The following CDH13 variants were observed in gnomAD, a reference collection of about 807,000 sequenced individuals.
The protein encoded by CDH13 is cadherin 13, also known as cadherin-13.
Under a neutral mutation model 63.8 loss-of-function variants are expected in CDH13, and 24 were observed. The ratio of observed to expected loss-of-function variants is 0.38; its 90% CI spans 0.27 to 0.53. The LOEUF is 0.53. Ranked by LOEUF, CDH13 falls within the 20% of genes least tolerant of loss-of-function variation. The pLI is 0.85. For synonymous variants in CDH13, 503 were observed against 355.3 expected (o/e 1.42, Z -4.67); for missense variants, 1,049 against 903.1 (o/e 1.16, Z -2.07).
intron 8 of CDH13, among the ~76,000 whole-genome samples, chr16:83,627,397 C>T (rs903687499): frequency 3.3e-5 from 5 of 152,144 alleles, no homozygotes; most frequent in East Asian, 1.9e-4. Context: ...AAGCAGAATT[C>T]CTGAGAGGCC....
In CDH13 at chr16:83,704,743, A is replaced by T. The variant is rs137945037; in HGVS notation, c.1538+26282A>T. 5.4e-4 allele frequency among the ~76,000 whole-genome samples: 83 copies of T among 152,350 alleles called. 1 individual carries two copies. The South Asian group carries it at 0.012, about 23-fold the overall frequency. On this transcript the variant is annotated intron_variant, in intron 10 of 13. Transcript: ENST00000567109. The stretch of plus-strand genomic sequence containing the variant: ...CTCATTTTTCACCAAACTGAACTCT[A>T]TAATGGTACTACAATAGAAAAAAAA...
At chr16:83,757,288 C>G (rs1266102227) in intron 11 of CDH13, among the ~76,000 whole-genome samples, 1 of 152,086 alleles carries the variant, frequency 6.6e-6, no homozygotes, top group African/African-American at 2.4e-5. Flanking sequence ...ACAAAATCAA[C>G]AAATCCAGGC....
chr16:82,714,136 T>G (rs994152774), intron 1 of CDH13, among the ~76,000 whole-genome samples: 2 of 152,092 alleles, frequency 1.3e-5, no homozygotes, highest in African/African-American at 4.8e-5. Context: ...TTTGTGGTCA[T>G]TTCTCCCAGC....
At chr16:83,292,046 C>G (rs2089478667) in intron 5 of CDH13, among the ~76,000 whole-genome samples, 1 of 152,136 alleles carries the variant, frequency 6.6e-6, no homozygotes, top group African/African-American at 2.4e-5. Context: ...CACTATTGGC[C>G]TATGTTGGCC....
chr16:83,231,746 C>T (rs895301765), intron 5 of CDH13, among the ~76,000 whole-genome samples: 5 of 150,316 alleles, frequency 3.3e-5, no homozygotes, highest in African/African-American at 9.7e-5. Context: ...AGCCTGCCAA[C>T]CCCGGACTAG....
At chr16:83,776,344 C>A (rs1915113168) in intron 11 of CDH13, among the ~76,000 whole-genome samples, 1 of 152,082 alleles carries the variant, frequency 6.6e-6, no homozygotes, top group Admixed American at 6.5e-5. Flanking sequence ...AATAATTTTT[C>A]AGTAAAGAAA....
intron 1 of CDH13, among the ~76,000 whole-genome samples, chr16:82,816,848 C>G (rs756985730): frequency 6.6e-6 from 1 of 151,790 alleles, no homozygotes; most frequent in Non-Finnish European, 1.5e-5. Context: ...CTCATCTCTG[C>G]ACTCCTGAAG....
intron 1 of CDH13, among the ~76,000 whole-genome samples, chr16:82,838,247 C>T (rs1336801232): frequency 6.6e-6 from 1 of 152,092 alleles, no homozygotes; most frequent in Non-Finnish European, 1.5e-5. Context: ...ATCCTTTGTC[C>T]TTCTTTTATT....
intron 1 of CDH13, among the ~76,000 whole-genome samples, chr16:82,665,332 T>G (rs139133876): frequency 1.3e-3 from 204 of 152,272 alleles, no homozygotes; most frequent in African/African-American, 4.7e-3. Context: ...CAGCATGAGT[T>G]ACAGTGCTGC....
intron 1 of CDH13, among the ~76,000 whole-genome samples, chr16:82,801,114 T>C (rs1268318599): frequency 6.6e-6 from 1 of 152,270 alleles, no homozygotes; most frequent in South Asian, 2.1e-4. Context: ...GTTGGGTTTG[T>C]TCTTAAGAAA....
intron 1 of CDH13, among the ~76,000 whole-genome samples, chr16:82,812,426 G>C (rs901555894): frequency 1.3e-5 from 2 of 152,126 alleles, no homozygotes; most frequent in Non-Finnish European, 2.9e-5. Flanking sequence ...CAGCAGAGGT[G>C]GAGGAGCCTA....
At chr16:82,780,329 A>G (rs1237256130) in intron 1 of CDH13, among the ~76,000 whole-genome samples, 8 of 152,156 alleles carry the variant, frequency 5.3e-5, no homozygotes, top group Non-Finnish European at 1.2e-4. Context: ...CTCCTTGCCA[A>G]TCTCTCCCTT....
intron 4 of CDH13, among the ~76,000 whole-genome samples, chr16:83,155,965 C>T (rs1026482859): frequency 2.6e-5 from 4 of 152,188 alleles, no homozygotes; most frequent in Non-Finnish European, 5.9e-5. Context: ...TGGTCATCAG[C>T]ATGTCTTTGA....
chr16:83,293,180 A>G (rs1217545098), intron 5 of CDH13, among the ~76,000 whole-genome samples: 1 of 152,202 alleles, frequency 6.6e-6, no homozygotes. Flanking sequence ...CGGTCTTTGC[A>G]CTACTCATAT....
At chr16:83,418,786 ACAG>A (rs1351517809) in intron 6 of CDH13, among the ~76,000 whole-genome samples, 3 of 152,148 alleles carry the variant, frequency 2.0e-5, no homozygotes, top group Non-Finnish European at 4.4e-5. Flanking sequence ...AGCAGGAAAG[ACAG>A]GAGAAGACCT....
chr16:82,750,182 T>C (rs117820287), intron 1 of CDH13, among the ~76,000 whole-genome samples: 5,468 of 152,262 alleles, frequency 0.036, 130 homozygotes, highest in Non-Finnish European at 0.056. Flanking sequence ...GGGCAGCGGT[T>C]GTAAACAGAA....
At chr16:83,326,978 T>C (rs1399452716) in intron 5 of CDH13, among the ~76,000 whole-genome samples, 1 of 152,222 alleles carries the variant, frequency 6.6e-6, no homozygotes, top group Admixed American at 6.5e-5. Context: ...CAGTCATGTC[T>C]GGCTGCTGAA....
At chr16:83,511,088 A>ACACACATG (rs751000890) in intron 7 of CDH13, among the ~76,000 whole-genome samples, 2 of 35,248 alleles carry the variant, frequency 5.7e-5, no homozygotes, top group Non-Finnish European at 9.8e-5. Flanking sequence ...ACGCATGCAC[A>ACACACATG]CACACATGCA....
chr16:82,752,033 A>G (rs2034437914), intron 1 of CDH13, among the ~76,000 whole-genome samples: 1 of 152,234 alleles, frequency 6.6e-6, no homozygotes, highest in South Asian at 2.1e-4. Context: ...TAAGAAATCA[A>G]CTGACAAATT....
Sources: gnomAD v4.1 joint callset for allele counts (sites outside exome capture counted in the v4.1 genomes callset) on GRCh38, gnomAD v4.1.1 for gene constraint, MANE v1.5 for transcripts, NCBI Gene and HGNC (gene_info 2026-07-23, HGNC 2026-07-21) for gene names.